Variants in PLXND1 observed in about 807,000 individuals in gnomAD.
PLXND1 encodes the protein plexin-D1.
PLXND1 carries 54 observed loss-of-function variants against 197.7 expected under a neutral mutation model. The observed-to-expected ratio is 0.27, with a 90% CI of 0.22 to 0.34. PLXND1 has a LOEUF of 0.34. Ranked by LOEUF, PLXND1 falls within the 10% of genes least tolerant of loss-of-function variation. The probability of loss-of-function intolerance (pLI) is 1.00; values close to 1 mark genes in which losing one functional copy is unlikely to be tolerated. For missense variants in PLXND1, 2,127 were observed against 2,699.2 expected, an observed-to-expected ratio of 0.79 and a Z score of 4.70; for synonymous variants, 1,180 against 1,161.2, an observed-to-expected ratio of 1.02 and a Z score of -0.33.
At position 129,606,132 on chromosome 3, in the gene PLXND1, C is replaced by A. The variant is rs2085789801; in HGVS notation, c.508G>T (p.Ala170Ser). 5 of 1,507,174 alleles carry A rather than the reference C, an allele frequency of 3.3e-6. No individual in the cohort carries two copies. The highest frequency in any genetic ancestry group is 4.4e-6 in the Non-Finnish European group (5 of 1,135,506). The allele number at this position is 1,507,174 out of a possible 1,614,324, so 93.4% of individuals were successfully genotyped here. A position where few individuals can be genotyped will look rare whatever the true frequency, so the allele number is the denominator to read the frequency against. ...AVRFPPAAPPAEPVTVFPSML... is the reference protein window; with the variant it reads ...AVRFPPAAPPSEPVTVFPSML... Reference sequence around the variant, plus strand: ...CTGGGGAACACCGTGACGGGCTCGGCGGGCGGCGCGGCGGGCGGGAAGCGC... The same window carrying A: ...CTGGGGAACACCGTGACGGGCTCGGAGGGCGGCGCGGCGGGCGGGAAGCGC... The change falls in exon 1 of 36, where the codon GCC becomes TCC. Residue 170 changes from alanine to serine, a missense_variant. Physicochemically the swap from Ala to Ser is moderately conservative, Grantham distance 99 (BLOSUM62 1). Around this residue, in one of 6 missense-constraint regions of PLXND1, gnomAD observed 245 missense variants for 267.1 expected, o/e 0.92. Coordinates refer to ENST00000324093, the MANE Select transcript of PLXND1 (RefSeq NM_015103.3).
At position 129,606,035 on chromosome 3, in the gene PLXND1, G is replaced by A; in HGVS notation, c.605C>T (p.Ala202Val). Residue 202 changes from alanine to valine, a missense_variant, in exon 1 of 36, where the codon GCG (alanine) becomes GTG (valine). By Grantham distance (64) the Ala-to-Val change is moderately conservative. Transcript: ENST00000324093. ...VGLVLPPAAGAGGSRLLVGAT... is the reference protein window; with the variant it reads ...VGLVLPPAAGVGGSRLLVGAT... The stretch of plus-strand genomic sequence containing the variant: ...GCCCACGAGCAGGCGGCTGCCCCCC[G>A]CGCCCGCGGCGGGAGGCAGAACTAG... 5 of 1,595,768 alleles carry A rather than the reference G, an allele frequency of 3.1e-6. No homozygotes were observed. Among genetic ancestry groups the A allele is most frequent in the Non-Finnish European group, 4.3e-6 (5 of 1,174,472 alleles).
At chr3:129,600,795 C>T (rs962914111) in intron 1 of PLXND1, among the ~76,000 whole-genome samples, 3 of 151,944 alleles carry the variant, frequency 2.0e-5, no homozygotes, top group Non-Finnish European at 4.4e-5. Flanking sequence ...CTCTCTCTCC[C>T]TCCGCCCCCA....
chr3:129,586,899 C>G (rs2085469917), intron 2 of PLXND1, among the ~76,000 whole-genome samples, 180 bp from the exon 3 acceptor site: 2 of 152,200 alleles, frequency 1.3e-5, no homozygotes, highest in African/African-American at 4.8e-5. Flanking sequence ...ATGCTTCTGC[C>G]TCTGCTGTGC....
intron 5 of PLXND1, among the ~76,000 whole-genome samples, chr3:129,585,377 C>T (rs1246097773): frequency 2.0e-5 from 3 of 152,198 alleles, no homozygotes; most frequent in Admixed American, 2.0e-4. Flanking sequence ...CACCCCTTGC[C>T]GGGGCCCAGA....
intron 30 of PLXND1, 115 bp downstream of exon 30, chr3:129,560,572 ACC>A: frequency 1.0e-6 from 1 of 966,848 alleles, no homozygotes. Flanking sequence ...CTACTCCCCC[ACC>A]CCCCAGCCTT....
At chr3:129,581,508 GCCCA>G (rs1325796124) in intron 8 of PLXND1, among the ~76,000 whole-genome samples, 2 of 152,122 alleles carry the variant, frequency 1.3e-5, no homozygotes, top group African/African-American at 4.8e-5. Flanking sequence ...CCTCACTCTG[GCCCA>G]CCCACAGAGA....
intron 9 of PLXND1, among the ~76,000 whole-genome samples, chr3:129,576,600 C>T (rs1301996634): frequency 6.6e-6 from 1 of 152,204 alleles, no homozygotes; most frequent in African/African-American, 2.4e-5. Context: ...TGACACCACC[C>T]CCAAGGGCAG....
rs1298591486 is a variant in PLXND1 at position 129,589,567 on chromosome 3, C to T, written c.1312-40G>A. 14 of 1,500,298 alleles carry T rather than the reference C, an allele frequency of 9.3e-6. No individual in the cohort carries two copies. The South Asian group carries it at 1.1e-4, about 12-fold the overall frequency. 92.9% of individuals were successfully genotyped at this position (1,500,298 alleles called of 1,614,324 possible). A position where few individuals can be genotyped will look rare whatever the true frequency, so the allele number is the denominator to read the frequency against. On this transcript the variant is annotated intron_variant, in intron 1 of 35. Transcript: ENST00000324093. ...GCACGTCAGATCCCAGCTCCAGAAC[C>T]TTCTCCGGCTCCCCGCCCGCACAGC...
In PLXND1 at chr3:129,565,517, C is replaced by G. The variant is rs143931927; in HGVS notation, c.4344G>C (p.Leu1448=). The change falls in exon 25 of 36, where the codon CTG becomes CTC. Residue 1448 remains leucine (L), a synonymous_variant. Coordinates refer to ENST00000324093, the MANE Select transcript of PLXND1 (RefSeq NM_015103.3). ...CCAGCTTGCCGTGCAGCGCGATGGT[C>G]AGCAGCGAGGCCAGGCTGCACCTGT... The part of the protein sequence containing the change: ...VRDRCSLASL[L]TIALHGKLEY... 10 of 1,613,468 alleles carry G rather than the reference C, an allele frequency of 6.2e-6. No homozygotes were observed. The African/African-American group carries it at 1.3e-4, about 22-fold the overall frequency.
intron 1 of PLXND1, chr3:129,591,550 A>G (rs1426791577): frequency 3.9e-5 from 6 of 152,228 alleles, no homozygotes; most frequent in Non-Finnish European, 7.3e-5. Flanking sequence ...CAGGTCGGAA[A>G]CGGAGCAGGT....
At chr3:129,561,410 C>T (rs1047241926) in intron 29 of PLXND1, among the ~76,000 whole-genome samples, 1 of 152,180 alleles carries the variant, frequency 6.6e-6, no homozygotes, top group African/African-American at 2.4e-5. Flanking sequence ...AACTGCATCC[C>T]GCCCTCCCGG....
rs923493409 is a variant in PLXND1, at chr3:129,575,246, C to T, written c.2530+223G>A. Among the ~76,000 whole-genome samples the T allele has an allele frequency of 2.0e-5, 3 of 148,582 alleles. 1 individual carries two copies. Among genetic ancestry groups the T allele is most frequent in the South Asian group, 4.4e-4 (2 of 4,550 alleles). On this transcript the variant is annotated intron_variant, in intron 11 of 35. Transcript: ENST00000324093. Reference sequence around the variant, plus strand: ...GACTGTGTCCTGTTTCCTATGGGGACGATCAGGCCCAGGAAGGCAGGGGAA... The same window carrying T: ...GACTGTGTCCTGTTTCCTATGGGGATGATCAGGCCCAGGAAGGCAGGGGAA...
At position 129,562,874 on chromosome 3, in the gene PLXND1, G is replaced by A. The variant is rs948179840; in HGVS notation, c.4738C>T (p.Leu1580=). The A allele has an allele frequency of 6.2e-7, 1 of 1,612,178 alleles. No homozygotes were observed. The highest frequency in any genetic ancestry group is 8.5e-7 in the Non-Finnish European group (1 of 1,178,362). The change falls in exon 27 of 36, where the codon CTG becomes TTG. Residue 1580 remains leucine, a synonymous_variant. Transcript: ENST00000324093. ...AGGATCTTCTCCTTGACCTGTGTCA[G>A]CGTGTCGGTGTCCATGGCCCGCACG... is the stretch of plus-strand genomic sequence containing the variant. ...LSVRAMDTDT[L]TQVKEKILEA...
rs770931553 is a variant in PLXND1 at position 129,574,371 on chromosome 3, T to C, written c.2650A>G (p.Met884Val). The change falls in exon 12 of 36, where the codon ATG (methionine) becomes GTG (valine). Residue 884 changes from methionine to valine, a missense_variant. Transcript: ENST00000324093. ...GCRLRGPLQPMAGTCPAPEIH... is the reference protein window; with the variant it reads ...GCRLRGPLQPVAGTCPAPEIH... ...TCGGGGGCGGGGCAGGTGCCAGCCA[T>C]GGGCTGCAGAGGCCCCCGCAGGCGG... 3.1e-6 allele frequency: 5 copies of C among 1,610,230 alleles called. No homozygotes were observed. The highest frequency in any genetic ancestry group is 3.4e-6 in the Non-Finnish European group (4 of 1,178,858).
At chr3:129,595,921 G>GCACGCACACACACA (rs1553793028) in intron 1 of PLXND1, among the ~76,000 whole-genome samples, 9 of 146,514 alleles carry the variant, frequency 6.1e-5, no homozygotes, top group Admixed American at 4.1e-4. Context: ...GTGCACGCAC[G>GCACGCACACACACA]CACACACACA....
chr3:129,589,310 T>TGGCCCCCCC, intron 2 of PLXND1, 41 bp downstream of exon 2: 11 of 501,268 alleles, frequency 2.2e-5, no homozygotes, highest in Non-Finnish European at 3.4e-5. Context: ...CAGGGGAGCC[T>TGGCCCCCCC]CCCACCCCCA....
intron 31 of PLXND1, 34 bp from the exon 32 acceptor site, chr3:129,559,817 G>A (rs1434773106): frequency 8.4e-6 from 13 of 1,553,138 alleles, no homozygotes; most frequent in African/African-American, 5.4e-5. Context: ...CGTCAGCCCC[G>A]GGCCACGTGC....
chr3:129,560,666 C>T lies in PLXND1; in HGVS notation c.5028+23G>A, dbSNP rs779735944. 67 of 1,587,220 alleles carry T rather than the reference C, an allele frequency of 4.2e-5. 2 individuals carry two copies. The highest frequency in any genetic ancestry group is 4.0e-4 in the South Asian group (36 of 90,522). ...ACACCCACTGAGGGGCTGGATCCCC[C>T]GGGGCCGAGGTTGGGCACTCACCAA... On this transcript the variant is annotated intron_variant, in intron 30 of 35. Transcript: ENST00000324093.
At chr3:129,572,982 C>A in intron 13 of PLXND1, 41 bp from the exon 14 acceptor site, 1 of 1,419,414 alleles carries the variant, frequency 7.0e-7, no homozygotes, top group East Asian at 2.3e-5. Flanking sequence ...TCCTTGGCCC[C>A]CACGGCCACC....
Sources: gnomAD v4.1 joint callset for allele counts (sites outside exome capture counted in the v4.1 genomes callset) on GRCh38, gnomAD v4.1.1 for gene constraint, gnomAD v4.1.1 regional missense constraint, MANE v1.5 for transcripts, NCBI Gene and HGNC (gene_info 2026-07-23, HGNC 2026-07-21) for gene names.